Variants in VRK2 observed in about 807,000 individuals in gnomAD.
VRK2 encodes the protein VRK serine/threonine kinase 2, also known as serine/threonine-protein kinase VRK2.
A neutral mutation model predicts 57.6 loss-of-function variants in VRK2; 60 were observed. The ratio of observed to expected loss-of-function variants is 1.04; its 90% CI spans 0.85 to 1.29. The LOEUF (loss-of-function observed/expected upper bound fraction) is 1.29, where lower values mean the gene tolerates loss of function less well. Ranked by LOEUF, VRK2 falls within the 50% of genes most tolerant of loss-of-function variation. The pLI is 0.00. For missense variants in VRK2, 705 were observed against 588.1 expected (o/e 1.20, Z -2.06); for synonymous variants, 231 against 199.2 (o/e 1.16, Z -1.35).
At chr2:58,147,881 TTGTA>T (rs1449815852) in intron 12 of VRK2, among the ~76,000 whole-genome samples, 1 of 151,290 alleles carries the variant, frequency 6.6e-6, no homozygotes, top group Non-Finnish European at 1.5e-5. Flanking sequence ...CAGCACTCCA[TTGTA>T]TAACTATATC....
intron 1 of VRK2, among the ~76,000 whole-genome samples, chr2:58,006,105 C>A (rs531609149): frequency 5.9e-5 from 9 of 152,268 alleles, no homozygotes; most frequent in Non-Finnish European, 1.3e-4. Context: ...GTATGTGCTA[C>A]CCTCCAGAAG....
intron 2 of VRK2, 83 bp downstream of exon 2, chr2:58,049,050 A>C (rs991954855): frequency 6.7e-7 from 1 of 1,486,406 alleles, no homozygotes; most frequent in Non-Finnish European, 9.1e-7. Flanking sequence ...AAGAATGGAA[A>C]TATGGAATTC....
intron 1 of VRK2, among the ~76,000 whole-genome samples, chr2:58,020,254 C>T (rs565824033): frequency 2.0e-5 from 3 of 152,292 alleles, no homozygotes; most frequent in East Asian, 1.9e-4. Flanking sequence ...TCTGTTGTCC[C>T]GGCCTGGAGG....
upstream of VRK2, among the ~76,000 whole-genome samples, chr2:58,041,895 T>C (rs1674471557): frequency 6.6e-6 from 1 of 152,148 alleles, no homozygotes; most frequent in Non-Finnish European, 1.5e-5. Context: ...AATCCACCTA[T>C]GACCTGGAAC....
intron 1 of VRK2, among the ~76,000 whole-genome samples, chr2:57,983,610 C>G (rs992406834): frequency 2.6e-5 from 4 of 152,164 alleles, no homozygotes; most frequent in Non-Finnish European, 4.4e-5. Flanking sequence ...CTTCCTTTCA[C>G]ATTTTGTGTT....
At position 58,135,178 on chromosome 2, in the gene VRK2, G is replaced by A. The variant is rs758297224; in HGVS notation, c.835G>A (p.Ala279Thr). 1 of 1,614,120 alleles carries A rather than the reference G, an allele frequency of 6.2e-7. No individual in the cohort carries two copies. Among genetic ancestry groups the A allele is most frequent in the Non-Finnish European group, 8.5e-7 (1 of 1,180,014 alleles). The change falls in exon 10 of 13, where the codon GCT becomes ACT. Residue 279 changes from alanine (A) to threonine (T), a missense_variant. Coordinates refer to ENST00000340157, the MANE Select transcript of VRK2 (RefSeq NM_006296.7). Reference protein sequence around the residue: ...DELPQSVLKWAPSGSSCCEIA... With the variant: ...DELPQSVLKWTPSGSSCCEIA... ...GCTCCCCCAGTCAGTGCTTAAATGG[G>A]CTCCTTCTGGAAGCAGTTGCTGTAA...
chr2:58,100,017 G>A (rs1231488061), intron 7 of VRK2, among the ~76,000 whole-genome samples: 2 of 152,132 alleles, frequency 1.3e-5, no homozygotes, highest in East Asian at 3.9e-4. Context: ...AGTTAAGGAA[G>A]TTGAAAAGTA....
intron 2 of VRK2, among the ~76,000 whole-genome samples, chr2:58,067,579 G>C (rs1165614335): frequency 6.6e-6 from 1 of 151,812 alleles, no homozygotes; most frequent in Admixed American, 6.6e-5. Context: ...ATAGCTCTTG[G>C]TTTCATTTAC....
intron 1 of VRK2, among the ~76,000 whole-genome samples, chr2:57,980,080 G>C (rs1308993539): frequency 2.6e-5 from 4 of 151,936 alleles, no homozygotes; most frequent in Non-Finnish European, 5.9e-5. Context: ...TGCTACCTTT[G>C]GGGTTGGTTT....
intron 1 of VRK2, among the ~76,000 whole-genome samples, chr2:57,933,141 T>C (rs1572876798): frequency 6.6e-6 from 1 of 152,056 alleles, no homozygotes; most frequent in East Asian, 1.9e-4. Context: ...AGAATATGTA[T>C]TCTGCTGTGT....
intron 1 of VRK2, among the ~76,000 whole-genome samples, chr2:57,967,852 T>C (rs1671971541): frequency 6.6e-6 from 1 of 152,140 alleles, no homozygotes; most frequent in Non-Finnish European, 1.5e-5. Flanking sequence ...GAAAAAAATC[T>C]ACATATTCTG....
chr2:58,024,104 G>C lies in VRK2; in HGVS notation c.-438-1561G>C, dbSNP rs147169278. On this transcript the variant is annotated intron_variant, in intron 1 of 15. Transcript: ENST00000417641. ...GGGTTCACGTCATTCTCCTGTCTCA[G>C]CCTCCCTCCCAAGTAGCTGGGACTA... 8.0e-4 allele frequency among the ~76,000 whole-genome samples: 122 copies of C among 151,874 alleles called. 1 individual carries two copies. The highest frequency in any genetic ancestry group is 2.8e-3 in the African/African-American group (116 of 41,406).
chr2:58,135,015 CA>C (rs879151541), intron 9 of VRK2, 125 bp from the exon 10 acceptor site: 9,055 of 752,872 alleles, frequency 0.012, no homozygotes, highest in South Asian at 0.022. Context: ...AGTTGGGTGA[CA>C]AAAAAAAAAG....
chr2:57,974,325 C>T (rs1394789787), intron 1 of VRK2, among the ~76,000 whole-genome samples: 1 of 151,840 alleles, frequency 6.6e-6, no homozygotes, highest in African/African-American at 2.4e-5. Flanking sequence ...TTTAATTGAT[C>T]ACAAAAGTCC....
rs558718097 is a variant in VRK2 at position 57,944,969 on chromosome 2, C to T, written c.-439+37130C>T. On this transcript the variant is annotated intron_variant, in intron 1 of 15. Transcript: ENST00000417641. The stretch of plus-strand genomic sequence containing the variant: ...TCTAGAAAGAATCTTGTGAATTAGA[C>T]TCCGTTGTTACAGCCAATTTACATA... Among the ~76,000 whole-genome samples the T allele has an allele frequency of 2.2e-4, 33 of 152,236 alleles. No individual in the cohort carries two copies. The South Asian group carries it at 2.7e-3, about 12-fold the overall frequency.
intron 1 of VRK2, among the ~76,000 whole-genome samples, chr2:57,975,908 A>G (rs1436744807): frequency 1.3e-5 from 2 of 151,268 alleles, no homozygotes; most frequent in African/African-American, 4.9e-5. Context: ...TTTGACCCTC[A>G]CCCTCCTCTC....
In VRK2 at chr2:58,131,821, A is replaced by T. The variant is rs1679239664; in HGVS notation, c.690A>T (p.Arg230=). ...TTACTCCTATAGCCTTGTCCAGACG[A>T]AGTGACGTTGAGATCCTCGGCTACT... ...DAHKGVALSR[R]SDVEILGYCM... The change falls in exon 9 of 13, where the codon CGA becomes CGT. Residue 230 remains arginine (R), a synonymous_variant. Transcript: ENST00000340157. 6.2e-7 allele frequency: 1 copy of T among 1,612,790 alleles called. No individual in the cohort carries two copies. Among genetic ancestry groups the T allele is most frequent in the Non-Finnish European group, 8.5e-7 (1 of 1,179,522 alleles).
intron 10 of VRK2, among the ~76,000 whole-genome samples, chr2:58,136,924 G>A (rs1228632009): frequency 2.5e-5 from 3 of 117,702 alleles, no homozygotes; most frequent in Non-Finnish European, 4.9e-5. Flanking sequence ...TCATATATGT[G>A]TATATATCAT....
chr2:58,098,574 C>T (rs1673496095), intron 7 of VRK2, among the ~76,000 whole-genome samples: 1 of 151,952 alleles, frequency 6.6e-6, no homozygotes, highest in Non-Finnish European at 1.5e-5. Flanking sequence ...CAGTTGTCTG[C>T]AGTATTTACT....
Sources: gnomAD v4.1 joint callset for allele counts (sites outside exome capture counted in the v4.1 genomes callset) on GRCh38, gnomAD v4.1.1 for gene constraint, MANE v1.5 for transcripts, NCBI Gene and HGNC (gene_info 2026-07-23, HGNC 2026-07-21) for gene names.